Variants in C10orf90 observed in about 807,000 individuals in gnomAD.
C10orf90 encodes the protein chromosome 10 open reading frame 90.
A neutral mutation model predicts 62.5 loss-of-function variants in C10orf90; 56 were observed. The observed-to-expected ratio is 0.90, with a 90% CI of 0.72 to 1.12. C10orf90 has a LOEUF of 1.12. C10orf90 is among the 50% of genes most tolerant of loss of function. The pLI is 0.00. For synonymous variants in C10orf90, 386 were observed against 340.4 expected (o/e 1.13, Z -1.47); for missense variants, 970 against 880.4 (o/e 1.10, Z -1.29).
intron 7 of C10orf90, among the ~76,000 whole-genome samples, chr10:126,450,296 A>G (rs1171164001): frequency 6.6e-6 from 1 of 152,220 alleles, no homozygotes; most frequent in East Asian, 1.9e-4. Context: ...GATTTAATGC[A>G]ACACCTATCA....
chr10:126,504,592 G>A lies in C10orf90; in HGVS notation c.899C>T (p.Ser300Phe). The A allele has an allele frequency of 1.2e-6, 2 of 1,614,140 alleles. No homozygotes were observed. The highest frequency in any genetic ancestry group is 1.7e-6 in the Non-Finnish European group (2 of 1,180,018). Residue 300 changes from serine (S) to phenylalanine (F), a missense_variant, in exon 4 of 10, where the codon TCC becomes TTC. Physicochemically the swap from Ser to Phe is radical, Grantham distance 155. Transcript: ENST00000488181. This position sits in a 1 kb window ranked among gnomAD's most constrained non-coding sequence, Gnocchi z 4.1. ...FACTEFSRNS[S>F]VVRLKVPEAH... The stretch of plus-strand genomic sequence containing the variant: ...CTCGGGAACCTTCAGCCGCACCACG[G>A]AGCTGTTTCTGGAGAACTCTGTGCA...
Position 126,504,465 on chromosome 10 carries a change from C to A in C10orf90, c.1026G>T (p.Pro342=). 1 of 1,614,216 alleles carries A rather than the reference C, an allele frequency of 6.2e-7. No individual in the cohort carries two copies. The highest frequency in any genetic ancestry group is 8.5e-7 in the Non-Finnish European group (1 of 1,180,048). ...SPDTPLSGKS[P]LVFSSCVHLR... is the part of the protein sequence containing the mutation. ...GGTGGACACAGGAACTGAACACCAG[C>A]GGGCTCTTTCCTGACAGTGGGGTGT... Residue 342 remains proline, a synonymous_variant, in exon 4 of 10, where the codon CCG becomes CCT. Transcript: ENST00000488181. The surrounding 1 kb of genome is among the most constrained non-coding windows in gnomAD (Gnocchi z 4.1).
chr10:126,613,190 A>G (rs1425903777), intron 2 of C10orf90, among the ~76,000 whole-genome samples: 1 of 152,136 alleles, frequency 6.6e-6, no homozygotes, highest in Non-Finnish European at 1.5e-5. Context: ...GTATTCAAAG[A>G]CCAAAGCTAC....
intron 4 of C10orf90, among the ~76,000 whole-genome samples, chr10:126,495,788 A>G (rs1862014665): frequency 6.6e-6 from 1 of 152,188 alleles, no homozygotes; most frequent in Non-Finnish European, 1.5e-5. Context: ...TATCTAGAAT[A>G]CTTTTTCTTT....
rs1845693298 is a variant in C10orf90, at chr10:126,623,857, A to G, written c.313+22708T>C. On this transcript the variant is annotated intron_variant, in intron 2 of 9. Coordinates refer to ENST00000488181, the MANE Select transcript of C10orf90 (RefSeq NM_001350921.2). ...CTCCATCTCAAAAAAAAAAAAAAAA[A>G]AGAATGAGAGCTTCATATGACAGGG... Among the ~76,000 whole-genome samples the G allele has an allele frequency of 3.3e-5, 5 of 149,852 alleles. No homozygotes were observed. In the South Asian group the frequency reaches 1.1e-3, roughly 32 times the overall value.
At chr10:126,623,358 G>A (rs1343797224) in intron 2 of C10orf90, among the ~76,000 whole-genome samples, 1 of 152,032 alleles carries the variant, frequency 6.6e-6, no homozygotes, top group Non-Finnish European at 1.5e-5. Flanking sequence ...CCAAATTTCG[G>A]CATATCTCAC....
At chr10:126,473,800 G>A (rs557249889) in intron 4 of C10orf90, among the ~76,000 whole-genome samples, 1 of 152,222 alleles carries the variant, frequency 6.6e-6, no homozygotes, top group South Asian at 2.1e-4. Context: ...CACATGGCAT[G>A]TTTGTTAAAA....
intron 2 of C10orf90, chr10:126,520,947 C>A (rs1865905): frequency 0.88 from 167,954 of 190,172 alleles, 74,383 homozygotes; most frequent in African/African-American, 0.96. Flanking sequence ...CTCATCTTAA[C>A]TCCATGACAT....
At chr10:126,555,976 A>T (rs1276704430) in intron 2 of C10orf90, among the ~76,000 whole-genome samples, 1 of 152,200 alleles carries the variant, frequency 6.6e-6, no homozygotes, top group Admixed American at 6.5e-5. Flanking sequence ...CTAAAATAAA[A>T]TGATACAATT....
chr10:126,458,936 GT>G, intron 7 of C10orf90, 103 bp downstream of exon 7: 1 of 1,229,512 alleles, frequency 8.1e-7, no homozygotes, highest in Non-Finnish European at 1.1e-6. Context: ...TTCTGCGTAT[GT>G]CAGTGGCATC....
intron 2 of C10orf90, among the ~76,000 whole-genome samples, chr10:126,568,094 TC>T (rs759994886): frequency 2.0e-5 from 3 of 151,894 alleles, no homozygotes; most frequent in Non-Finnish European, 4.4e-5. Flanking sequence ...TGGGCAAATC[TC>T]CACAGCCAGA....
intron 2 of C10orf90, among the ~76,000 whole-genome samples, chr10:126,595,634 A>G (rs1845068801): frequency 6.6e-6 from 1 of 152,152 alleles, no homozygotes; most frequent in Admixed American, 6.5e-5. Context: ...CTCACCTGCA[A>G]AACTACAACC....
chr10:126,469,660 C>T (rs919589969), intron 4 of C10orf90: 1 of 346,058 alleles, frequency 2.9e-6, no homozygotes, highest in African/African-American at 2.1e-5. Flanking sequence ...TGCCATGAAC[C>T]TAAACAGCCC....
chr10:126,619,875 C>T (rs76240922), intron 2 of C10orf90, among the ~76,000 whole-genome samples: 3,412 of 152,154 alleles, frequency 0.022, 130 homozygotes, highest in African/African-American at 0.075. Flanking sequence ...TCCTGGGATC[C>T]GCCCACCTTA....
At chr10:126,539,792 A>G (rs1564863253) in intron 2 of C10orf90, among the ~76,000 whole-genome samples, 2 of 152,234 alleles carry the variant, frequency 1.3e-5, no homozygotes, top group Non-Finnish European at 2.9e-5. Context: ...CATATAAACA[A>G]TGAAATTTCT....
rs3812676 is a variant in C10orf90, at chr10:126,425,756, G to A, written c.*108C>T. The A allele has an allele frequency of 0.26, 307,691 of 1,184,896 alleles. 41,192 individuals carry two copies. The highest frequency in any genetic ancestry group is 0.31 in the Admixed American group (10,501 of 34,116). The allele number at this position is 1,184,896 out of a possible 1,614,324, so 73.4% of individuals were successfully genotyped here. A position where few individuals can be genotyped will look rare whatever the true frequency, so the allele number is the denominator to read the frequency against. ...CCTTTATGGAAAAAAAAAATCGAAA[G>A]TAAAATAAGTGTTTTCCCATGATGA... On this transcript the variant is annotated 3_prime_UTR_variant, in exon 10 of 10. Transcript: ENST00000488181.
At chr10:126,576,779 A>G (rs1014798944) in intron 2 of C10orf90, among the ~76,000 whole-genome samples, 5 of 146,828 alleles carry the variant, frequency 3.4e-5, no homozygotes, top group African/African-American at 1.2e-4. Flanking sequence ...GTACATATAC[A>G]TATTATATAT....
At chr10:126,537,874 T>C (rs889032400) in intron 2 of C10orf90, among the ~76,000 whole-genome samples, 1 of 152,192 alleles carries the variant, frequency 6.6e-6, no homozygotes, top group African/African-American at 2.4e-5. Context: ...GAAAGAGGAT[T>C]GTTGCAGGGG....
At chr10:126,454,857 C>T (rs535856453) in intron 7 of C10orf90, among the ~76,000 whole-genome samples, 1 of 152,242 alleles carries the variant, frequency 6.6e-6, no homozygotes, top group East Asian at 1.9e-4. Context: ...TTGCTTATCA[C>T]TCCCAGGCAA....
Sources: allele counts gnomAD v4.1 joint callset (sites outside exome capture counted in the v4.1 genomes callset), GRCh38; gene constraint gnomAD v4.1.1; non-coding constraint Gnocchi (gnomAD v3.1); transcripts MANE v1.5; gene names NCBI Gene and HGNC (gene_info 2026-07-23, HGNC 2026-07-21).